The following SGCG variants were observed in gnomAD, a reference collection of about 807,000 sequenced individuals.
SGCG encodes the protein sarcoglycan gamma, also known as gamma-sarcoglycan.
Under a neutral mutation model 29.3 loss-of-function variants are expected in SGCG, and 26 were observed. That is an observed-to-expected ratio of 0.89 (90% confidence interval 0.65 to 1.23). SGCG has a LOEUF of 1.23. SGCG is among the 50% of genes most tolerant of loss of function. The probability of loss-of-function intolerance (pLI) is 0.00; values close to 1 mark genes in which losing one functional copy is unlikely to be tolerated. For missense variants in SGCG, 353 were observed against 356.0 expected, an observed-to-expected ratio of 0.99 and a Z score of 0.07; for synonymous variants, 145 against 129.7, an observed-to-expected ratio of 1.12 and a Z score of -0.80.
upstream of SGCG, among the ~76,000 whole-genome samples, chr13:23,178,613 G>A (rs192401962): frequency 2.7e-4 from 41 of 152,252 alleles, no homozygotes; most frequent in East Asian, 7.7e-3. Flanking sequence ...GGCCTAATAT[G>A]TTTCACTAGT....
chr13:23,241,955 T>C (rs1029485827), intron 3 of SGCG, among the ~76,000 whole-genome samples: 16 of 151,914 alleles, frequency 1.1e-4, no homozygotes, highest in African/African-American at 3.9e-4. Context: ...ATAGAAAACA[T>C]AAAACAATAG....
chr13:23,300,809 TAAAAA>T (rs58050317), intron 6 of SGCG, among the ~76,000 whole-genome samples: 25,145 of 122,428 alleles, frequency 0.21, 2,922 homozygotes, highest in Non-Finnish European at 0.26. Context: ...ACTAGTTTAC[TAAAAA>T]AAAAAAAAAA....
intron 4 of SGCG, among the ~76,000 whole-genome samples, chr13:23,276,442 T>TTTTTTTC (rs1483703756): frequency 1.4e-5 from 2 of 138,658 alleles, no homozygotes; most frequent in African/African-American, 5.2e-5. Context: ...TTTTTTTTTT[T>TTTTTTTC]TTTTTTTTGA....
At chr13:23,315,083 T>C (rs1349297211) in intron 6 of SGCG, among the ~76,000 whole-genome samples, 1 of 152,178 alleles carries the variant, frequency 6.6e-6, no homozygotes, top group Non-Finnish European at 1.5e-5. Context: ...GGGACGCTGT[T>C]TACAGCCTTT....
chr13:23,294,799 C>T (rs971605131), intron 5 of SGCG, among the ~76,000 whole-genome samples: 3 of 152,152 alleles, frequency 2.0e-5, no homozygotes, highest in Admixed American at 6.5e-5. Flanking sequence ...ATACTACCTG[C>T]GTTGCAGGGG....
At chr13:23,214,201 C>T (rs1878340189) in intron 2 of SGCG, among the ~76,000 whole-genome samples, 1 of 152,162 alleles carries the variant, frequency 6.6e-6, no homozygotes, top group African/African-American at 2.4e-5. Flanking sequence ...TTCCTTGTCC[C>T]ATCCTAGTTC....
intron 1 of SGCG, among the ~76,000 whole-genome samples, chr13:23,200,274 T>G (rs1565996925): frequency 6.6e-6 from 1 of 151,956 alleles, no homozygotes; most frequent in Non-Finnish European, 1.5e-5. Flanking sequence ...AATACAAAAA[T>G]TAGCTGGGCG....
intron 4 of SGCG, chr13:23,268,973 T>C (rs1290062836): frequency 1.3e-5 from 2 of 150,824 alleles, no homozygotes; most frequent in African/African-American, 4.9e-5. Context: ...GAAAAGAATA[T>C]GTTAGAAAGA....
chr13:23,281,937 C>A (rs552751633), intron 5 of SGCG, among the ~76,000 whole-genome samples: 1 of 152,202 alleles, frequency 6.6e-6, no homozygotes, highest in Non-Finnish European at 1.5e-5. Flanking sequence ...TCAAGTTATC[C>A]TTTTAAAGGA....
At chr13:23,246,301 T>A (rs559903518) in intron 3 of SGCG, 5 of 152,286 alleles carry the variant, frequency 3.3e-5, no homozygotes, top group African/African-American at 9.6e-5. Flanking sequence ...AGAGGAGACA[T>A]TACAACGTCC....
At chr13:23,312,128 CAAT>C (rs1207405423) in intron 6 of SGCG, among the ~76,000 whole-genome samples, 2 of 152,182 alleles carry the variant, frequency 1.3e-5, no homozygotes, top group East Asian at 3.9e-4. Context: ...GCAAATGAAA[CAAT>C]GACAATTTAT....
At chr13:23,219,812 T>C (rs1341798428) in intron 2 of SGCG, among the ~76,000 whole-genome samples, 2 of 150,564 alleles carry the variant, frequency 1.3e-5, no homozygotes, top group Non-Finnish European at 3.0e-5. Context: ...TGAAACTAGG[T>C]TTACATTTCT....
intron 4 of SGCG, among the ~76,000 whole-genome samples, chr13:23,264,170 G>A (rs1708025980): frequency 6.6e-6 from 1 of 151,894 alleles, no homozygotes. Context: ...CGATCTTATA[G>A]CTAGAAAACC....
At chr13:23,300,853 C>T (rs1006064675) in intron 6 of SGCG, among the ~76,000 whole-genome samples, 37 of 149,600 alleles carry the variant, frequency 2.5e-4, no homozygotes, top group African/African-American at 7.9e-4. Flanking sequence ...CGGTGGCTCA[C>T]GCCTGTAATC....
chr13:23,269,883 GTT>G lies in SGCG; in HGVS notation c.386-9468_386-9467del, dbSNP rs140082158. On this transcript the variant is annotated intron_variant, in intron 4 of 7. Transcript: ENST00000218867. ...TTTTTTTGTTTTTTTTGTTTTTTTT[GTT>G]TTTTTTTGAGGCGGAGTCTCCCTCT... 2.6e-4 allele frequency among the ~76,000 whole-genome samples: 31 copies of G among 117,046 alleles called. 1 individual carries two copies. Among genetic ancestry groups the G allele is most frequent in the Non-Finnish European group, 4.6e-4 (26 of 56,852 alleles). The allele number at this position is 117,046 out of a possible 152,430, so 76.8% of individuals were successfully genotyped here.
At chr13:23,285,469 C>T (rs377432181) in intron 5 of SGCG, among the ~76,000 whole-genome samples, 15 of 152,176 alleles carry the variant, frequency 9.9e-5, no homozygotes, top group African/African-American at 3.4e-4. Context: ...TCACCAAGCC[C>T]AAGTGTCCCA....
chr13:23,294,856 C>A (rs1401526318), intron 5 of SGCG, among the ~76,000 whole-genome samples: 1 of 152,206 alleles, frequency 6.6e-6, no homozygotes, highest in African/African-American at 2.4e-5. Flanking sequence ...ATGTCACTTT[C>A]ACCTGTGTTT....
chr13:23,222,034 A>G lies in SGCG; in HGVS notation c.196-12577A>G, dbSNP rs565774439. Reference sequence around the variant, plus strand: ...AAGGTGATAAGTTTGAGTATCTATCATGTATTAAGTGTTGTTAAATTAAGT... The same window carrying G: ...AAGGTGATAAGTTTGAGTATCTATCGTGTATTAAGTGTTGTTAAATTAAGT... On this transcript the variant is annotated intron_variant, in intron 2 of 7. Coordinates refer to ENST00000218867, the MANE Select transcript of SGCG (RefSeq NM_000231.3). Among the ~76,000 whole-genome samples the G allele has an allele frequency of 1.3e-3, 194 of 152,360 alleles. 2 individuals are homozygous for G. The highest frequency in any genetic ancestry group is 4.5e-3 in the African/African-American group (187 of 41,588).
intron 1 of SGCG, among the ~76,000 whole-genome samples, chr13:23,186,755 G>A (rs1876991211): frequency 1.3e-5 from 2 of 152,156 alleles, no homozygotes; most frequent in South Asian, 2.1e-4. Flanking sequence ...GCAAGAACAG[G>A]GGATCCCGGG....
Sources: allele counts gnomAD v4.1 joint callset (sites outside exome capture counted in the v4.1 genomes callset), GRCh38; gene constraint gnomAD v4.1.1; transcripts MANE v1.5; gene names NCBI Gene and HGNC (gene_info 2026-07-23, HGNC 2026-07-21).